The following COL8A2 variants were observed in gnomAD, a reference collection of about 807,000 sequenced individuals.
COL8A2 encodes collagen type VIII alpha 2 chain, also known as collagen alpha-2(VIII) chain.
COL8A2 carries 16 observed loss-of-function variants against 24.0 expected under a neutral mutation model. The ratio of observed to expected loss-of-function variants is 0.67; its 90% CI spans 0.45 to 1.01. The LOEUF (loss-of-function observed/expected upper bound fraction) is 1.01. COL8A2 is among the 50% of genes least tolerant of loss of function. The probability of loss-of-function intolerance (pLI) is 0.00; values close to 1 mark genes in which losing one functional copy is unlikely to be tolerated. For synonymous variants in COL8A2, 466 were observed against 424.5 expected (o/e 1.10, Z -1.20); for missense variants, 818 against 942.4 (o/e 0.87, Z 1.73).
At position 36,105,965 on chromosome 1, in the gene COL8A2, A is replaced by AG. The variant is rs1570039731; in HGVS notation, c.-16-5708_-16-5707insC. On this transcript the variant is annotated intron_variant, in intron 2 of 3. Transcript: ENST00000397799. ...CTGTCTCACTTAAAAAAAAAAAAAA[A>AG]AAGAGAGAGAGAGAGATAAGGAGGA... Among the ~76,000 whole-genome samples, 69 of 142,346 alleles carry AG rather than the reference A, an allele frequency of 4.8e-4. 1 individual carries two copies. The highest frequency in any genetic ancestry group is 3.9e-3 in the East Asian group (18 of 4,652). 93.4% of individuals were successfully genotyped at this position (142,346 alleles called of 152,430 possible).
chr1:36,109,049 G>C (rs959492724), intron 2 of COL8A2, among the ~76,000 whole-genome samples: 5 of 152,204 alleles, frequency 3.3e-5, no homozygotes, highest in Admixed American at 1.3e-4. Flanking sequence ...ACCCCCACAG[G>C]GTGGGTGGAT....
At chr1:36,124,570 G>A (rs1482599704) in intron 1 of COL8A2, among the ~76,000 whole-genome samples, 1 of 152,090 alleles carries the variant, frequency 6.6e-6, no homozygotes, top group Non-Finnish European at 1.5e-5. Context: ...TGGGGGCTAA[G>A]GCAGAAAAAC....
chr1:36,098,895 G>A lies in COL8A2; in HGVS notation c.786C>T (p.Pro262=). Residue 262 remains proline, a synonymous_variant, in exon 4 of 4, where the codon CCC becomes CCT. Transcript: ENST00000397799. ...GGCCCACAGCTCCTGGCTCCCCCCT[G>A]GGGCCTGGAACTCCAGGAGGCCCAG... is the stretch of plus-strand genomic sequence containing the variant. ...GESGPPGVPG[P]RGEPGAVGPK... is the part of the protein sequence containing the mutation. The A allele has an allele frequency of 6.2e-7, 1 of 1,612,080 alleles. No individual in the cohort carries two copies. Among genetic ancestry groups the A allele is most frequent in the Non-Finnish European group, 8.5e-7 (1 of 1,179,578 alleles).
Position 36,123,385 on chromosome 1 carries a change from A to C in COL8A2, c.-62+1672T>G, listed in dbSNP as rs1292405391. Among the ~76,000 whole-genome samples the C allele has an allele frequency of 6.6e-6, 1 of 152,230 alleles. No homozygotes were observed. The highest frequency in any genetic ancestry group is 1.5e-5 in the Non-Finnish European group (1 of 68,038). On this transcript the variant is annotated intron_variant, in intron 1 of 3. Coordinates refer to ENST00000397799, the MANE Select transcript of COL8A2 (RefSeq NM_005202.4). The surrounding 1 kb of genome is among the most constrained non-coding windows in gnomAD (Gnocchi z 4.1). ...TAGTGGAGTACAGGGGCTCAGGCTGACAGCCCTGCTTAGTATCTTTCTCCT... is the reference window on the plus strand; with the variant it reads ...TAGTGGAGTACAGGGGCTCAGGCTGCCAGCCCTGCTTAGTATCTTTCTCCT...
chr1:36,124,890 T>C (rs1643940857), intron 1 of COL8A2, among the ~76,000 whole-genome samples, 167 bp downstream of exon 1: 2 of 151,606 alleles, frequency 1.3e-5, no homozygotes, highest in South Asian at 4.2e-4. Flanking sequence ...CGGGATGGGC[T>C]CCCCCATTCT....
chr1:36,110,543 G>A (rs1277076705), intron 2 of COL8A2, among the ~76,000 whole-genome samples: 1 of 152,112 alleles, frequency 6.6e-6, no homozygotes, highest in Non-Finnish European at 1.5e-5. Flanking sequence ...AAGCTGGAGT[G>A]CAGTGATGAG....
rs1051346092 is a variant in COL8A2 at position 36,097,021 on chromosome 1, G to A, written c.*548C>T. On this transcript the variant is annotated 3_prime_UTR_variant, in exon 4 of 4. Transcript: ENST00000397799. ...TGTCTGATGCCACAGCATCACCATG[G>A]GGGCTGCAGTCCTGGCAGGGTGTCC... The A allele has an allele frequency of 6.3e-6, 1 of 158,184 alleles. No individual in the cohort carries two copies. Among genetic ancestry groups the A allele is most frequent in the Non-Finnish European group, 1.4e-5 (1 of 71,262 alleles). The allele number at this position is 158,184 out of a possible 1,614,324, so 9.8% of individuals were successfully genotyped here. A position where few individuals can be genotyped will look rare whatever the true frequency, so the allele number is the denominator to read the frequency against.
rs182953952 is a variant in COL8A2, at chr1:36,120,521, G to A, written c.-62+4536C>T. Among the ~76,000 whole-genome samples the A allele has an allele frequency of 2.6e-3, 396 of 152,098 alleles. 2 individuals carry two copies. Among genetic ancestry groups the A allele is most frequent in the African/African-American group, 9.1e-3 (378 of 41,474 alleles). ...CCCCAGCACTTTGGGAGGCCGAGGC[G>A]GGCAGATCACAAGGTCAGGAGTTCG... is the stretch of plus-strand genomic sequence containing the variant. On this transcript the variant is annotated intron_variant, in intron 1 of 3. Transcript: ENST00000397799.
chr1:36,106,085 A>G (rs1422274588), intron 2 of COL8A2, among the ~76,000 whole-genome samples: 2 of 151,622 alleles, frequency 1.3e-5, no homozygotes, highest in East Asian at 3.9e-4. Context: ...AGCCTGGCCA[A>G]CATGGTGAAA....
intron 1 of COL8A2, among the ~76,000 whole-genome samples, chr1:36,118,600 C>T (rs1353446747): frequency 1.3e-5 from 2 of 152,202 alleles, no homozygotes; most frequent in African/African-American, 2.4e-5. Context: ...CCTCCCCTGG[C>T]GACGTCTCCC....
At position 36,098,589 on chromosome 1, in the gene COL8A2, C is replaced by T; in HGVS notation, c.1092G>A (p.Gly364=). 1 of 1,610,400 alleles carries T rather than the reference C, an allele frequency of 6.2e-7. No homozygotes were observed. Among genetic ancestry groups the T allele is most frequent in the African/African-American group, 1.3e-5 (1 of 74,894 alleles). Residue 364 remains glycine (G), a synonymous_variant, in exon 4 of 4, where the codon GGG becomes GGA. Coordinates refer to ENST00000397799, the MANE Select transcript of COL8A2 (RefSeq NM_005202.4). ...CACGTCTGCCAGGAAGCCCTGCAGA[C>T]CCAGGAAGTCCAGGGGGACCCCCAA... ...QGLGGPPGLP[G]SAGLPGRRGP...
Position 36,097,420 on chromosome 1 carries a change from A to G in COL8A2, c.*149T>C, listed in dbSNP as rs1236529020. On this transcript the variant is annotated 3_prime_UTR_variant, in exon 4 of 4. Coordinates refer to ENST00000397799, the MANE Select transcript of COL8A2 (RefSeq NM_005202.4). Reference sequence around the variant, plus strand: ...CCAGAAACAATCTCAGCCTGCATGCAGGGAGAAAGCAAGTTAGTCTCCTCG... The same window carrying G: ...CCAGAAACAATCTCAGCCTGCATGCGGGGAGAAAGCAAGTTAGTCTCCTCG... 9 of 685,422 alleles carry G rather than the reference A, an allele frequency of 1.3e-5. No individual in the cohort carries two copies. The highest frequency in any genetic ancestry group is 1.5e-5 in the Non-Finnish European group (6 of 393,198). The allele number at this position is 685,422 out of a possible 1,614,324, so 42.5% of individuals were successfully genotyped here.
rs1317455607 is a variant in COL8A2 at position 36,100,194 on chromosome 1, C to T, written c.49G>A (p.Val17Met). The T allele has an allele frequency of 6.2e-7, 1 of 1,602,694 alleles. No homozygotes were observed. The highest frequency in any genetic ancestry group is 1.7e-5 in the Admixed American group (1 of 58,288). The change falls in exon 3 of 4, where the codon GTG becomes ATG. Residue 17 changes from valine to methionine, a missense_variant. Val to Met is a conservative substitution (Grantham distance 21, BLOSUM62 1). Coordinates refer to ENST00000397799, the MANE Select transcript of COL8A2 (RefSeq NM_005202.4). Reference sequence around the variant, plus strand: ...CGCGGCCCACACCCCAGCACCAGCACCAGTAGCAGCAGCAGCAGCGAAGAC... The same window carrying T: ...CGCGGCCCACACCCCAGCACCAGCATCAGTAGCAGCAGCAGCAGCGAAGAC... ...PLSSLLLLLL[V>M]LVLGCGPRAS...
At chr1:36,120,747 CA>C (rs34157391) in intron 1 of COL8A2, among the ~76,000 whole-genome samples, 59,869 of 98,030 alleles carry the variant, frequency 0.61, 15,585 homozygotes, top group Non-Finnish European at 0.67. Context: ...GACTCCGTCT[CA>C]AAAAAAAAAA....
intron 1 of COL8A2, 79 bp downstream of exon 1, chr1:36,124,978 G>A: frequency 1.9e-6 from 1 of 514,080 alleles, no homozygotes; most frequent in Non-Finnish European, 2.5e-6. Context: ...ATCCCGCATG[G>A]TGTTGGGGGA....
intron 1 of COL8A2, among the ~76,000 whole-genome samples, chr1:36,119,047 A>T (rs1223912379): frequency 6.6e-6 from 1 of 152,134 alleles, no homozygotes; most frequent in Non-Finnish European, 1.5e-5. Flanking sequence ...GTAACCCTGG[A>T]AGGCTGGAAC....
chr1:36,111,859 C>T (rs1643845539), intron 2 of COL8A2, among the ~76,000 whole-genome samples: 1 of 152,112 alleles, frequency 6.6e-6, no homozygotes. Flanking sequence ...AGCATGTCCC[C>T]TGGCTGTCCC....
rs1643578559 is a variant in COL8A2, at chr1:36,097,046, C to CACACT, written c.*518_*522dup. 1 of 161,374 alleles carries CACACT rather than the reference C, an allele frequency of 6.2e-6. No individual in the cohort carries two copies. The highest frequency in any genetic ancestry group is 2.4e-5 in the African/African-American group (1 of 41,546). 10.0% of individuals were successfully genotyped at this position (161,374 alleles called of 1,614,324 possible). On this transcript the variant is annotated 3_prime_UTR_variant, in exon 4 of 4. Coordinates refer to ENST00000397799, the MANE Select transcript of COL8A2 (RefSeq NM_005202.4). ...GGGGCTGCAGTCCTGGCAGGGTGTC[C>CACACT]ACACTCGCCACCTCGATGGTCCCCT...
intron 1 of COL8A2, among the ~76,000 whole-genome samples, chr1:36,121,572 G>A (rs1371480401): frequency 2.0e-5 from 3 of 151,210 alleles, no homozygotes; most frequent in Non-Finnish European, 2.9e-5. Flanking sequence ...GCCGGGCATG[G>A]TGGTGGACGC....
Sources: allele counts gnomAD v4.1 joint callset (sites outside exome capture counted in the v4.1 genomes callset), GRCh38; gene constraint gnomAD v4.1.1; non-coding constraint Gnocchi (gnomAD v3.1); transcripts MANE v1.5; gene names NCBI Gene and HGNC (gene_info 2026-07-23, HGNC 2026-07-21).